RNF31: variants seen among roughly 807,000 people sequenced by gnomAD.
RNF31 encodes ring finger protein 31.
Under a neutral mutation model 133.6 loss-of-function variants are expected in RNF31, and 38 were observed. That is an observed-to-expected ratio of 0.28 (90% CI 0.22 to 0.37). The LOEUF (loss-of-function observed/expected upper bound fraction) is 0.37, where lower values mean the gene tolerates loss of function less well. Among genes scored for constraint, RNF31 ranks in the 10% least tolerant of loss-of-function variants. The pLI, the probability that RNF31 is intolerant of heterozygous loss-of-function variation, is 1.00. For synonymous variants in RNF31, 582 were observed against 552.3 expected (o/e 1.05, Z -0.75); for missense variants, 1,118 against 1,394.1 (o/e 0.80, Z 3.15).
At position 24,154,240 on chromosome 14, in the gene RNF31, C is replaced by G. The variant is rs576667722; in HGVS notation, c.2131-917C>G. Among the ~76,000 whole-genome samples, 395 of 152,292 alleles carry G rather than the reference C, an allele frequency of 2.6e-3. 1 individual carries two copies. Among genetic ancestry groups the G allele is most frequent in the African/African-American group, 9.2e-3 (382 of 41,564 alleles). ...TGGTGCGATCTCGGCTCACTGCAGC[C>G]TCCGCCTCCCGAGTTCAAGTGATTC... is the stretch of plus-strand genomic sequence containing the variant. On this transcript the variant is annotated intron_variant, in intron 11 of 20. Coordinates refer to ENST00000324103, the MANE Select transcript of RNF31 (RefSeq NM_017999.5).
intron 18 of RNF31, among the ~76,000 whole-genome samples, chr14:24,159,032 CAAAAAAAAAAAAAAAAA>C (rs529900287): frequency 1.8e-5 from 1 of 54,430 alleles, no homozygotes. Flanking sequence ...GACTTCGTCT[CAAAAAAAAAAAAAAAAA>C]AAAAAAAAAA....
chr14:24,153,080 TA>T (rs750111205), intron 11 of RNF31, among the ~76,000 whole-genome samples: 4,295 of 136,446 alleles, frequency 0.031, 124 homozygotes, highest in African/African-American at 0.085. Context: ...GACTCCGTCT[TA>T]AAAAAAAAAA....
Position 24,158,125 on chromosome 14 carries a change from C to T in RNF31, c.2842-17C>T, listed in dbSNP as rs770231650. 6.2e-7 allele frequency: 1 copy of T among 1,614,206 alleles called. No individual in the cohort carries two copies. Among genetic ancestry groups the T allele is most frequent in the Non-Finnish European group, 8.5e-7 (1 of 1,179,984 alleles). ...GCATCAAGGGGAATGTAACACCCATCTGTCTCTCCTCCTCAGGACAATAAC... is the reference window on the plus strand; with the variant it reads ...GCATCAAGGGGAATGTAACACCCATTTGTCTCTCCTCCTCAGGACAATAAC... On this transcript the variant is annotated splice_polypyrimidine_tract_variant and intron_variant, in intron 17 of 20. Transcript: ENST00000324103.
Position 24,147,854 on chromosome 14 carries a change from C to G in RNF31, c.156C>G (p.Asp52Glu). 6.2e-7 allele frequency: 1 copy of G among 1,610,374 alleles called. No individual in the cohort carries two copies. Among genetic ancestry groups the G allele is most frequent in the Admixed American group, 1.7e-5 (1 of 59,882 alleles). The change falls in exon 1 of 21, where the codon GAC (aspartate) becomes GAG (glutamate). Residue 52 changes from aspartate (D) to glutamate (E), a missense_variant. This residue lies in a region of RNF31 where 747 missense variants were observed against 827.9 expected (regional missense o/e 0.90). Transcript: ENST00000324103. ...TAGCCGCCCGCTACCTGCAGCTGGACGCCGCACGCCTTGTCCGCTGCAACG... is the reference window on the plus strand; with the variant it reads ...TAGCCGCCCGCTACCTGCAGCTGGAGGCCGCACGCCTTGTCCGCTGCAACG... Reference protein sequence around the residue: ...LPLAARYLQLDAARLVRCNAH... With the variant: ...LPLAARYLQLEAARLVRCNAH...
chr14:24,148,970 T>G, intron 5 of RNF31, 94 bp downstream of exon 5: 1 of 1,154,378 alleles, frequency 8.7e-7, no homozygotes. Context: ...TCCTTTGTGT[T>G]TGTTTGTTTT....
rs766910887 is a variant in RNF31 at position 24,160,511 on chromosome 14, C to T, written c.3166-9C>T. The T allele has an allele frequency of 5.8e-6, 9 of 1,555,888 alleles. No homozygotes were observed. The Admixed American group carries it at 1.7e-4, about 30-fold the overall frequency. ...TTCCAATATCATTACCTTCTCTCTC[C>T]TTCTGCAGAAGCTGACAGAAGAGGT... On this transcript the variant is annotated splice_polypyrimidine_tract_variant and intron_variant, in intron 20 of 20. Transcript: ENST00000324103. The surrounding 1 kb of genome is among the most constrained non-coding windows in gnomAD (Gnocchi z 4.0).
chr14:24,153,618 A>G (rs1265806676), intron 11 of RNF31, among the ~76,000 whole-genome samples: 3 of 151,708 alleles, frequency 2.0e-5, no homozygotes, highest in Admixed American at 6.6e-5. Flanking sequence ...AAATACATAA[A>G]GTTGGCCAGG....
intron 11 of RNF31, among the ~76,000 whole-genome samples, chr14:24,154,155 C>T (rs867746983): frequency 4.6e-5 from 7 of 152,032 alleles, no homozygotes; most frequent in Non-Finnish European, 8.8e-5. Flanking sequence ...CAATCATGCC[C>T]GGCTAATTTT....
chr14:24,154,078 C>T (rs2038307171), intron 11 of RNF31, among the ~76,000 whole-genome samples: 1 of 152,184 alleles, frequency 6.6e-6, no homozygotes, highest in Non-Finnish European at 1.5e-5. Context: ...TCACTGCAAC[C>T]TCTGCCTCCC....
Position 24,159,899 on chromosome 14 carries a change from A to C in RNF31, c.2935A>C (p.Asn979His), listed in dbSNP as rs1467586578. The part of the protein sequence containing the change: ...CRVIEQKEVP[N>H]GLRDEACGKE... ...AGTGATAGAGCAGAAGGAGGTTCCCAATGGGCTCAGGGACGAAGCTTGTGG... is the reference window on the plus strand; with the variant it reads ...AGTGATAGAGCAGAAGGAGGTTCCCCATGGGCTCAGGGACGAAGCTTGTGG... The change falls in exon 19 of 21, where the codon AAT becomes CAT. Residue 979 changes from asparagine (N) to histidine (H), a missense_variant. Coordinates refer to ENST00000324103, the MANE Select transcript of RNF31 (RefSeq NM_017999.5). 6.2e-7 allele frequency: 1 copy of C among 1,614,162 alleles called. No individual in the cohort carries two copies. Among genetic ancestry groups the C allele is most frequent in the Non-Finnish European group, 8.5e-7 (1 of 1,180,034 alleles).
At chr14:24,148,612 T>C in intron 3 of RNF31, 30 bp from the exon 4 acceptor site, 5 of 1,613,376 alleles carry the variant, frequency 3.1e-6, no homozygotes, top group Non-Finnish European at 4.2e-6. Flanking sequence ...GGGGTCTAGC[T>C]GGAAACCGTT....
Position 24,151,761 on chromosome 14 carries a change from C to T in RNF31, c.1924-25C>T. On this transcript the variant is annotated intron_variant, in intron 10 of 20. Coordinates refer to ENST00000324103, the MANE Select transcript of RNF31 (RefSeq NM_017999.5). This position sits in a 1 kb window ranked among gnomAD's most constrained non-coding sequence, Gnocchi z 5.3. ...GTCCCTGGAGTCTGACAGCACTTCC[C>T]CCCTCCACCTGAATCATATTGCAGA... is the stretch of plus-strand genomic sequence containing the variant. 1 of 1,600,884 alleles carries T rather than the reference C, an allele frequency of 6.2e-7. No homozygotes were observed. Among genetic ancestry groups the T allele is most frequent in the Non-Finnish European group, 8.5e-7 (1 of 1,172,458 alleles).
rs529900287 is a variant in RNF31, at chr14:24,159,032, CAAAAAAAAAAAAA to C, written c.2900-817_2900-805del. Among the ~76,000 whole-genome samples, 35 of 54,428 alleles carry C rather than the reference CAAAAAAAAAAAAA, an allele frequency of 6.4e-4. 3 individuals are homozygous for C. The South Asian group carries it at 0.022, about 34-fold the overall frequency. 35.7% of individuals were successfully genotyped at this position (54,428 alleles called of 152,430 possible). On this transcript the variant is annotated intron_variant, in intron 18 of 20. Coordinates refer to ENST00000324103, the MANE Select transcript of RNF31 (RefSeq NM_017999.5). Reference sequence around the variant, plus strand: ...TGGGCAACAGAGCGAGACTTCGTCTCAAAAAAAAAAAAAAAAAAAAAAAAAAATGTGGCTGGGC... The same window carrying C: ...TGGGCAACAGAGCGAGACTTCGTCTCAAAAAAAAAAAAAATGTGGCTGGGC...
chr14:24,149,462 C>G lies in RNF31; in HGVS notation c.688C>G (p.Pro230Ala), dbSNP rs780425900. 8.1e-6 allele frequency: 13 copies of G among 1,614,052 alleles called. No homozygotes were observed. In the Admixed American group the frequency reaches 2.2e-4, roughly 27 times the overall value. ...TTCTGCCCCAGGCACACTGCACTGC[C>G]CATCCTGTAAACAGGCCCTGTGTCC... is the stretch of plus-strand genomic sequence containing the variant. ...CGSAPGTLHC[P>A]SCKQALCPAC... The change falls in exon 6 of 21, where the codon CCA (proline) becomes GCA (alanine). Residue 230 changes from proline (P) to alanine (A), a missense_variant. Physicochemically the swap from Pro to Ala is conservative, Grantham distance 27. Transcript: ENST00000324103.
Position 24,157,296 on chromosome 14 carries a change from G to T in RNF31, c.2500G>T (p.Glu834Ter). 6.2e-7 allele frequency: 1 copy of T among 1,605,006 alleles called. No individual in the cohort carries two copies. Among genetic ancestry groups the T allele is most frequent in the South Asian group, 1.1e-5 (1 of 90,478 alleles). ...FCVRCKRQWE[E>*]QHRGRSCEDF... ...CCTACTTTCCCTCTGGCAGTGGGAG[G>T]AGCAGCACCGAGGTCGGAGCTGTGA... is the stretch of plus-strand genomic sequence containing the variant. Residue 834 changes from glutamate (E) to a stop codon, truncating the protein, a stop_gained, in exon 15 of 21, where the codon GAG becomes TAG. Coordinates refer to ENST00000324103, the MANE Select transcript of RNF31 (RefSeq NM_017999.5). LOFTEE classifies it high-confidence loss of function.
Position 24,159,913 on chromosome 14 carries a change from C to T in RNF31, c.2949C>T (p.Asp983=), listed in dbSNP as rs746143189. 47 of 1,613,984 alleles carry T rather than the reference C, an allele frequency of 2.9e-5. No individual in the cohort carries two copies. Among genetic ancestry groups the T allele is most frequent in the East Asian group, 1.8e-4 (8 of 44,906 alleles). ...AGGAGGTTCCCAATGGGCTCAGGGA[C>T]GAAGCTTGTGGCAAGGAAACTCCAG... ...EQKEVPNGLR[D]EACGKETPAG... is the part of the protein sequence containing the mutation. Residue 983 remains aspartate, a synonymous_variant, in exon 19 of 21, where the codon GAC becomes GAT. Coordinates refer to ENST00000324103, the MANE Select transcript of RNF31 (RefSeq NM_017999.5).
In RNF31 at chr14:24,147,589, G is replaced by C. The variant is rs1219170879; in HGVS notation, c.-110G>C. On this transcript the variant is annotated 5_prime_UTR_variant, in exon 1 of 21. Transcript: ENST00000324103. ...GTGACCTGGGGCGGCTGCGTGGGCC[G>C]GGGTGGGCCTCAAAGCCGGGCACCA... 9 of 987,758 alleles carry C rather than the reference G, an allele frequency of 9.1e-6. No homozygotes were observed. In the South Asian group the frequency reaches 1.2e-4, roughly 13 times the overall value. 61.2% of individuals were successfully genotyped at this position (987,758 alleles called of 1,614,324 possible).
chr14:24,157,161 C>G, intron 14 of RNF31, 129 bp from the exon 15 acceptor site: 1 of 631,030 alleles, frequency 1.6e-6, no homozygotes, highest in South Asian at 2.1e-5. Flanking sequence ...ATTTTGAGAT[C>G]TGAGCAAATG....
chr14:24,148,625 T>C lies in RNF31; in HGVS notation c.496-17T>C, dbSNP rs1485361109. On this transcript the variant is annotated splice_polypyrimidine_tract_variant and intron_variant, in intron 3 of 20. Coordinates refer to ENST00000324103, the MANE Select transcript of RNF31 (RefSeq NM_017999.5). ...TAGGGGTCTAGCTGGAAACCGTTTT[T>C]ATCTGTATTATTGCAGAATACTCAT... 5.0e-6 allele frequency: 8 copies of C among 1,613,938 alleles called. No individual in the cohort carries two copies. Among genetic ancestry groups the C allele is most frequent in the Non-Finnish European group, 6.8e-6 (8 of 1,179,892 alleles).
Sources: gnomAD v4.1 joint callset for allele counts (sites outside exome capture counted in the v4.1 genomes callset) on GRCh38, gnomAD v4.1.1 for gene constraint, gnomAD v4.1.1 regional missense constraint, Gnocchi (gnomAD v3.1) non-coding constraint, MANE v1.5 for transcripts, NCBI Gene and HGNC (gene_info 2026-07-23, HGNC 2026-07-21) for gene names.